The following KIAA1217 variants were observed in gnomAD, a reference collection of about 807,000 sequenced individuals.
The protein encoded by KIAA1217 is sickle tail protein homolog.
Under a neutral mutation model 163.9 loss-of-function variants are expected in KIAA1217, and 88 were observed. That is an observed-to-expected ratio of 0.54 (90% CI 0.45 to 0.64). The LOEUF is 0.64. Among genes scored for constraint, KIAA1217 ranks in the 30% least tolerant of loss-of-function variants. The pLI is 0.00. For synonymous variants in KIAA1217, 903 were observed against 923.1 expected (o/e 0.98, Z 0.39); for missense variants, 2,372 against 2,475.0 (o/e 0.96, Z 0.88).
chr10:23,750,502 G>A (rs2130832179), intron 1 of KIAA1217, among the ~76,000 whole-genome samples: 1 of 152,172 alleles, frequency 6.6e-6, no homozygotes, highest in African/African-American at 2.4e-5. Context: ...CCTCTACGGT[G>A]GGCTTGGTGG....
intron 2 of KIAA1217, among the ~76,000 whole-genome samples, chr10:24,094,156 G>A (rs1046694680): frequency 3.7e-4 from 57 of 152,164 alleles, no homozygotes; most frequent in Admixed American, 6.5e-4. Flanking sequence ...AGTCCTTTCG[G>A]TATATACCTA....
chr10:23,899,476 G>T (rs183576254), intron 1 of KIAA1217, among the ~76,000 whole-genome samples: 1 of 152,214 alleles, frequency 6.6e-6, no homozygotes, highest in Admixed American at 6.5e-5. Flanking sequence ...TTCTGGATTA[G>T]AAGAGAAGAA....
intron 1 of KIAA1217, among the ~76,000 whole-genome samples, chr10:23,806,317 A>T (rs1381832738): frequency 6.6e-6 from 1 of 152,214 alleles, no homozygotes; most frequent in East Asian, 1.9e-4. Flanking sequence ...AAAGTGACGG[A>T]TTAACAAATC....
intron 2 of KIAA1217, among the ~76,000 whole-genome samples, chr10:24,161,380 G>T (rs2065113013): frequency 6.6e-6 from 1 of 152,206 alleles, no homozygotes; most frequent in South Asian, 2.1e-4. Flanking sequence ...GAGCCTTTCA[G>T]CATCCCCTGT....
chr10:23,960,746 C>A (rs1844786230), intron 1 of KIAA1217, among the ~76,000 whole-genome samples: 1 of 152,082 alleles, frequency 6.6e-6, no homozygotes, highest in Non-Finnish European at 1.5e-5. Context: ...TTAACAAAAA[C>A]AAAAATAGAT....
rs941384893 is a variant in KIAA1217, at chr10:23,697,259, C to G, written c.-321+2025C>G. Among the ~76,000 whole-genome samples, 7 of 152,274 alleles carry G rather than the reference C, an allele frequency of 4.6e-5. No homozygotes were observed. In the South Asian group the frequency reaches 1.2e-3, roughly 27 times the overall value. The stretch of plus-strand genomic sequence containing the variant: ...TAGTGAGGCAGATGGGTGAAAAATA[C>G]TTTAGGATTATAAGAATTCCTTCAC... On this transcript the variant is annotated intron_variant, in intron 1 of 18. Coordinates refer to the KIAA1217 transcript ENST00000376462.
intron 2 of KIAA1217, among the ~76,000 whole-genome samples, chr10:24,201,284 A>G (rs2067242415): frequency 1.3e-5 from 2 of 152,144 alleles, no homozygotes; most frequent in Non-Finnish European, 2.9e-5. Flanking sequence ...AAACAAAAAA[A>G]TTCGTTGCAC....
At chr10:23,893,082 G>C (rs1215391866) in intron 1 of KIAA1217, among the ~76,000 whole-genome samples, 1 of 152,002 alleles carries the variant, frequency 6.6e-6, no homozygotes, top group Admixed American at 6.6e-5. Context: ...GTTCCTCCTT[G>C]TACCTCTGGT....
intron 2 of KIAA1217, among the ~76,000 whole-genome samples, chr10:24,128,284 A>T (rs1421801274): frequency 6.6e-6 from 1 of 151,960 alleles, no homozygotes; most frequent in African/African-American, 2.4e-5. Context: ...CCTCAATTCG[A>T]CCCCTCATGG....
At chr10:24,147,017 A>C (rs980390719) in intron 2 of KIAA1217, among the ~76,000 whole-genome samples, 3 of 151,612 alleles carry the variant, frequency 2.0e-5, no homozygotes, top group South Asian at 4.2e-4. Context: ...AAAAAAAAAA[A>C]AAAAAAAAAA....
intron 1 of KIAA1217, among the ~76,000 whole-genome samples, chr10:23,753,741 A>G (rs897981098): frequency 4.6e-5 from 7 of 152,232 alleles, no homozygotes; most frequent in Non-Finnish European, 1.0e-4. Context: ...TCTAAAATCC[A>G]AACTAATCTC....
At chr10:23,724,264 G>T (rs1256458502) in intron 1 of KIAA1217, among the ~76,000 whole-genome samples, 1 of 146,376 alleles carries the variant, frequency 6.8e-6, no homozygotes, top group East Asian at 2.0e-4. Context: ...CCTAAACTTT[G>T]CTTCTTATGT....
chr10:24,086,176 A>G (rs1005371997), intron 2 of KIAA1217, among the ~76,000 whole-genome samples: 1 of 152,144 alleles, frequency 6.6e-6, no homozygotes, highest in Admixed American at 6.5e-5. Flanking sequence ...GGAAGGCTTT[A>G]AAAGGAGATT....
At chr10:24,131,982 T>C (rs2063668895) in intron 2 of KIAA1217, among the ~76,000 whole-genome samples, 1 of 152,222 alleles carries the variant, frequency 6.6e-6, no homozygotes, top group Non-Finnish European at 1.5e-5. Context: ...ACACACAGCA[T>C]AGTTCAATGA....
chr10:24,173,451 C>G (rs1260872556), intron 2 of KIAA1217, among the ~76,000 whole-genome samples: 1 of 152,084 alleles, frequency 6.6e-6, no homozygotes, highest in African/African-American at 2.4e-5. Flanking sequence ...CTCAAAACCA[C>G]CCCCTGACCC....
At chr10:23,824,269 C>T (rs931082319) in intron 1 of KIAA1217, among the ~76,000 whole-genome samples, 11 of 151,390 alleles carry the variant, frequency 7.3e-5, no homozygotes, top group African/African-American at 2.7e-4. Flanking sequence ...AGTTAAGACC[C>T]TGTCTCAAAA....
intron 2 of KIAA1217, among the ~76,000 whole-genome samples, chr10:24,075,547 A>C (rs1174821034): frequency 3.3e-5 from 5 of 150,704 alleles, no homozygotes; most frequent in Non-Finnish European, 7.4e-5. Flanking sequence ...CGTCCCTTCC[A>C]TGGCTTCCCA....
At chr10:24,148,418 T>C (rs1426197928) in intron 2 of KIAA1217, among the ~76,000 whole-genome samples, 3 of 152,130 alleles carry the variant, frequency 2.0e-5, no homozygotes, top group Non-Finnish European at 4.4e-5. Context: ...TCCCTCCAAA[T>C]CTCATGTTGA....
intron 1 of KIAA1217, among the ~76,000 whole-genome samples, chr10:23,934,992 A>T (rs1333846995): frequency 6.6e-6 from 1 of 152,128 alleles, no homozygotes; most frequent in Non-Finnish European, 1.5e-5. Context: ...GCCTCCATGG[A>T]TAAAATCTGT....
Sources: gnomAD v4.1 joint callset for allele counts (sites outside exome capture counted in the v4.1 genomes callset) on GRCh38, gnomAD v4.1.1 for gene constraint, MANE v1.5 for transcripts, NCBI Gene and HGNC (gene_info 2026-07-23, HGNC 2026-07-21) for gene names.